The following MED12L variants were observed in gnomAD, a reference collection of about 807,000 sequenced individuals.
MED12L encodes the protein mediator of RNA polymerase II transcription subunit 12-like protein.
In MED12L, 60 loss-of-function variants were observed where a neutral mutation model predicts 281.3. The ratio of observed to expected loss-of-function variants is 0.21; its 90% confidence interval spans 0.17 to 0.26. The LOEUF (loss-of-function observed/expected upper bound fraction) is 0.26, where lower values mean the gene tolerates loss of function less well. Ranked by LOEUF, MED12L falls within the 10% of genes least tolerant of loss-of-function variation. The pLI is 1.00. For synonymous variants in MED12L, 974 were observed against 987.2 expected, an observed-to-expected ratio of 0.99 and a Z score of 0.25; for missense variants, 2,146 against 2,680.9, an observed-to-expected ratio of 0.80 and a Z score of 4.41.
intron 16 of MED12L, among the ~76,000 whole-genome samples, chr3:151,252,597 G>A: frequency 6.6e-6 from 1 of 152,080 alleles, no homozygotes; most frequent in East Asian, 1.9e-4. Flanking sequence ...TTATACTTGT[G>A]TTTCGTAAAT....
At chr3:151,190,586 A>G in intron 13 of MED12L, 131 bp from the exon 14 acceptor site, 1 of 832,428 alleles carries the variant, frequency 1.2e-6, no homozygotes, top group South Asian at 1.8e-5. Context: ...TGCCTCAGTA[A>G]ATCTTCCAAT....
At chr3:151,355,864 G>T in intron 18 of MED12L, 32 bp from the exon 19 acceptor site, 1 of 1,555,756 alleles carries the variant, frequency 6.4e-7, no homozygotes, top group Non-Finnish European at 8.8e-7. Context: ...TAGAATATTG[G>T]TCTTACAATA....
rs1409970288 is a variant in MED12L, at chr3:151,376,065, T to C, written c.3904T>C (p.Leu1302=). The part of the protein sequence containing the change: ...GEHCLKEPER[L]CTDKELILDP... ...GCATTGCTTAAAAGAACCTGAAAGA[T>C]TATGTACAGACAAAGAACTTATATT... is the stretch of plus-strand genomic sequence containing the variant. The change falls in exon 28 of 45, where the codon TTA becomes CTA. Residue 1302 remains leucine (L), a synonymous_variant. Transcript: ENST00000687756. 1.2e-6 allele frequency: 2 copies of C among 1,603,606 alleles called. No individual in the cohort carries two copies. The highest frequency in any genetic ancestry group is 1.7e-6 in the Non-Finnish European group (2 of 1,176,470).
At chr3:151,301,467 C>T (rs902040820) in intron 16 of MED12L, among the ~76,000 whole-genome samples, 3 of 152,054 alleles carry the variant, frequency 2.0e-5, no homozygotes, top group Non-Finnish European at 4.4e-5. Context: ...GACAGTTGGC[C>T]AATAAGCAGG....
chr3:151,138,171 A>G (rs12496345), intron 5 of MED12L, among the ~76,000 whole-genome samples: 2,468 of 151,880 alleles, frequency 0.016, 67 homozygotes, highest in East Asian at 0.14. Context: ...ACTGTTGGAT[A>G]CCTTGCCTTT....
chr3:151,347,849 TA>T lies in MED12L; in HGVS notation c.2251-2209del, dbSNP rs568766780. 1.1e-3 allele frequency among the ~76,000 whole-genome samples: 165 copies of T among 152,288 alleles called. 1 individual carries two copies. Among genetic ancestry groups the T allele is most frequent in the African/African-American group, 3.8e-3 (156 of 41,566 alleles). On this transcript the variant is annotated intron_variant, in intron 16 of 44. Coordinates refer to ENST00000687756, the MANE Select transcript of MED12L (RefSeq NM_001393769.1). ...TTTTTCAGAGGAAGAATTAGAGGTT[TA>T]GAAAGGTTTATTATTCGAGATCATG...
intron 16 of MED12L, among the ~76,000 whole-genome samples, chr3:151,248,226 A>G (rs1243445266): frequency 6.6e-6 from 1 of 152,082 alleles, no homozygotes; most frequent in Admixed American, 6.6e-5. Context: ...CTAAGACACT[A>G]ATAAAAAATA....
chr3:151,129,461 C>T (rs1715038015), intron 5 of MED12L, among the ~76,000 whole-genome samples: 1 of 151,522 alleles, frequency 6.6e-6, no homozygotes, highest in African/African-American at 2.4e-5. Flanking sequence ...CGGTGGTCTT[C>T]TATTATCTTT....
intron 5 of MED12L, among the ~76,000 whole-genome samples, chr3:151,138,152 A>G (rs1156876498): frequency 6.6e-6 from 1 of 152,002 alleles, no homozygotes; most frequent in Non-Finnish European, 1.5e-5. Context: ...TAATTAGCAT[A>G]CTATATATAC....
At chr3:151,372,955 G>A (rs547233030) in intron 27 of MED12L, among the ~76,000 whole-genome samples, 189 bp downstream of exon 27, 7 of 152,078 alleles carry the variant, frequency 4.6e-5, no homozygotes, top group African/African-American at 7.2e-5. Flanking sequence ...TCCTTTACAC[G>A]GATTTACTAA....
intron 44 of MED12L, among the ~76,000 whole-genome samples, chr3:151,431,450 A>G (rs1156722172): frequency 1.3e-5 from 2 of 152,292 alleles, no homozygotes; most frequent in African/African-American, 4.8e-5. Context: ...CTACCAGTGG[A>G]TACCCAAAAT....
chr3:151,225,503 G>A (rs2149291901), intron 16 of MED12L, among the ~76,000 whole-genome samples: 1 of 152,206 alleles, frequency 6.6e-6, no homozygotes, highest in African/African-American at 2.4e-5. Context: ...TTGCTCACGA[G>A]GCCTTTGCTA....
At chr3:151,333,906 C>T (rs1322689368) in intron 16 of MED12L, among the ~76,000 whole-genome samples, 2 of 149,900 alleles carry the variant, frequency 1.3e-5, no homozygotes, top group African/African-American at 2.4e-5. Flanking sequence ...GGTGAAACCC[C>T]GTCTCTACTA....
intron 5 of MED12L, among the ~76,000 whole-genome samples, chr3:151,151,495 G>A (rs1442008203): frequency 2.0e-5 from 3 of 150,018 alleles, no homozygotes; most frequent in South Asian, 2.1e-4. Context: ...TGAGATGTGC[G>A]ACTCTTCACT....
intron 36 of MED12L, 45 bp from the exon 37 acceptor site, chr3:151,387,765 G>C: frequency 6.4e-7 from 1 of 1,550,446 alleles, no homozygotes; most frequent in Non-Finnish European, 8.7e-7. Flanking sequence ...CTATGAATAA[G>C]GAAAAGATCT....
chr3:151,202,001 A>C (rs1194055340), intron 16 of MED12L, among the ~76,000 whole-genome samples: 1 of 152,164 alleles, frequency 6.6e-6, no homozygotes, highest in Non-Finnish European at 1.5e-5. Context: ...ATTTTGATTA[A>C]TTTTCTCTGT....
intron 16 of MED12L, among the ~76,000 whole-genome samples, chr3:151,274,410 A>G (rs763220898): frequency 6.6e-6 from 1 of 152,054 alleles, no homozygotes; most frequent in South Asian, 2.1e-4. Context: ...TTTCACTTCT[A>G]TAAAGGTAGT....
intron 16 of MED12L, among the ~76,000 whole-genome samples, chr3:151,310,658 A>G (rs1747378998): frequency 6.6e-6 from 1 of 152,140 alleles, no homozygotes; most frequent in African/African-American, 2.4e-5. Context: ...TTGGTGAACT[A>G]ATTTCTCATA....
At chr3:151,320,526 T>C (rs2149819596) in intron 16 of MED12L, among the ~76,000 whole-genome samples, 1 of 152,196 alleles carries the variant, frequency 6.6e-6, no homozygotes, top group African/African-American at 2.4e-5. Context: ...TAATAGTCAG[T>C]CCTTTGACAA....
Sources: allele counts gnomAD v4.1 joint callset (sites outside exome capture counted in the v4.1 genomes callset), GRCh38; gene constraint gnomAD v4.1.1; transcripts MANE v1.5; gene names NCBI Gene and HGNC (gene_info 2026-07-23, HGNC 2026-07-21).